The following SLCO5A1 variants were observed in gnomAD, a reference collection of about 807,000 sequenced individuals.
The protein encoded by SLCO5A1 is solute carrier organic anion transporter family member 5A1.
In SLCO5A1, 39 loss-of-function variants were observed where a neutral mutation model predicts 65.1. That is an observed-to-expected ratio of 0.60 (90% CI 0.46 to 0.78). The LOEUF is 0.78. SLCO5A1 is among the 30% of genes least tolerant of loss of function. The pLI is 0.00. For missense variants in SLCO5A1, 1,029 were observed against 1,069.4 expected (o/e 0.96, Z 0.53); for synonymous variants, 438 against 415.7 (o/e 1.05, Z -0.65).
intron 7 of SLCO5A1, among the ~76,000 whole-genome samples, chr8:69,680,667 G>T (rs971916835): frequency 2.6e-5 from 4 of 152,178 alleles, no homozygotes; most frequent in Admixed American, 6.5e-5. Context: ...AGATTGCTGG[G>T]TTGAGTGGTC....
At chr8:69,690,130 C>G (rs934725707) in intron 6 of SLCO5A1, among the ~76,000 whole-genome samples, 1 of 152,248 alleles carries the variant, frequency 6.6e-6, no homozygotes, top group African/African-American at 2.4e-5. Context: ...TCAAGCTCAA[C>G]AGGGTCTTCT....
chr8:69,802,169 G>A (rs1254488562), intron 2 of SLCO5A1, among the ~76,000 whole-genome samples: 1 of 152,156 alleles, frequency 6.6e-6, no homozygotes, highest in African/African-American at 2.4e-5. Context: ...ATGGGGATCA[G>A]CACGATAAAA....
At chr8:69,725,460 GATGTATGT>G (rs61338509) in intron 5 of SLCO5A1, among the ~76,000 whole-genome samples, 25 of 150,460 alleles carry the variant, frequency 1.7e-4, no homozygotes, top group East Asian at 1.4e-3. Flanking sequence ...AAAGAATAAA[GATGTATGT>G]ATGTATGTAT....
At chr8:69,724,719 T>A (rs561370112) in intron 5 of SLCO5A1, among the ~76,000 whole-genome samples, 2 of 152,298 alleles carry the variant, frequency 1.3e-5, no homozygotes, top group Admixed American at 1.3e-4. Flanking sequence ...AATAACTCTA[T>A]CCTGGCCATA....
chr8:69,686,549 C>A lies in SLCO5A1; in HGVS notation c.1623-4206G>T, dbSNP rs868399937. Reference sequence around the variant, plus strand: ...AGATCTCAGCATAAGTTGTCTCATTCATTCCCCATGAGAATTGTCATTATT... The same window carrying A: ...AGATCTCAGCATAAGTTGTCTCATTAATTCCCCATGAGAATTGTCATTATT... On this transcript the variant is annotated intron_variant, in intron 6 of 9. Coordinates refer to ENST00000260126, the MANE Select transcript of SLCO5A1 (RefSeq NM_030958.3). Among the ~76,000 whole-genome samples, 5 of 152,314 alleles carry A rather than the reference C, an allele frequency of 3.3e-5. No homozygotes were observed. The South Asian group carries it at 1.0e-3, about 32-fold the overall frequency.
intron 2 of SLCO5A1, among the ~76,000 whole-genome samples, chr8:69,790,232 G>C (rs1819210661): frequency 6.8e-6 from 1 of 148,052 alleles, no homozygotes; most frequent in Non-Finnish European, 1.5e-5. Flanking sequence ...TGGATTGTTT[G>C]TAACTCAAAG....
intron 6 of SLCO5A1, among the ~76,000 whole-genome samples, chr8:69,688,002 A>G (rs1814074719): frequency 6.6e-6 from 1 of 152,130 alleles, no homozygotes; most frequent in East Asian, 1.9e-4. Context: ...TTAAAACATG[A>G]TACCTTACAG....
chr8:69,812,829 C>T (rs749374646), intron 2 of SLCO5A1, among the ~76,000 whole-genome samples: 2 of 152,128 alleles, frequency 1.3e-5, no homozygotes, highest in African/African-American at 2.4e-5. Context: ...CTTTTGGAAC[C>T]ATTTTGTTAG....
chr8:69,717,765 T>C (rs1815624292), intron 5 of SLCO5A1, among the ~76,000 whole-genome samples: 1 of 152,246 alleles, frequency 6.6e-6, no homozygotes, highest in Non-Finnish European at 1.5e-5. Flanking sequence ...ACATTTTCTT[T>C]AATTTTTTAA....
intron 6 of SLCO5A1, among the ~76,000 whole-genome samples, chr8:69,693,944 A>G (rs1586691703): frequency 6.6e-6 from 1 of 152,214 alleles, no homozygotes; most frequent in African/African-American, 2.4e-5. Context: ...CCATACTCAG[A>G]CAGCCAGTAT....
chr8:69,686,589 A>G (rs1356444532), intron 6 of SLCO5A1, among the ~76,000 whole-genome samples: 1 of 152,186 alleles, frequency 6.6e-6, no homozygotes, highest in Admixed American at 6.5e-5. Context: ...CCACACTTCC[A>G]TCTTTCAGAC....
At chr8:69,688,039 G>A (rs994400526) in intron 6 of SLCO5A1, among the ~76,000 whole-genome samples, 4 of 151,852 alleles carry the variant, frequency 2.6e-5, no homozygotes, top group Non-Finnish European at 2.9e-5. Flanking sequence ...TTTAGATCTT[G>A]GTTACAAAAT....
intron 2 of SLCO5A1, among the ~76,000 whole-genome samples, chr8:69,766,720 T>C (rs1818075757): frequency 6.6e-6 from 1 of 152,190 alleles, no homozygotes; most frequent in Admixed American, 6.5e-5. Flanking sequence ...TTTCTCCTAG[T>C]ATATATTGCC....
At chr8:69,729,911 T>C (rs925662131) in intron 5 of SLCO5A1, among the ~76,000 whole-genome samples, 3 of 152,230 alleles carry the variant, frequency 2.0e-5, no homozygotes, top group African/African-American at 7.2e-5. Flanking sequence ...ATTACCACTG[T>C]AAAGTAGACC....
chr8:69,713,063 C>T (rs1156533469), intron 5 of SLCO5A1, among the ~76,000 whole-genome samples: 3 of 152,160 alleles, frequency 2.0e-5, no homozygotes, highest in Non-Finnish European at 4.4e-5. Flanking sequence ...TTAGCAAAAG[C>T]TTAAACTGCC....
intron 2 of SLCO5A1, among the ~76,000 whole-genome samples, chr8:69,813,453 T>C (rs1271247834): frequency 6.6e-6 from 1 of 152,208 alleles, no homozygotes; most frequent in Non-Finnish European, 1.5e-5. Flanking sequence ...TTCTAAGTTA[T>C]ATTAGGGAAC....
intron 5 of SLCO5A1, among the ~76,000 whole-genome samples, chr8:69,720,018 A>G (rs1815743604): frequency 6.6e-6 from 1 of 152,244 alleles, no homozygotes; most frequent in Admixed American, 6.5e-5. Flanking sequence ...GAAACAGATG[A>G]CATGGTTCCT....
At chr8:69,707,611 G>A (rs753370299) in intron 5 of SLCO5A1, among the ~76,000 whole-genome samples, 1 of 152,096 alleles carries the variant, frequency 6.6e-6, no homozygotes, top group Non-Finnish European at 1.5e-5. Context: ...TCTGAGCTGC[G>A]GCTGACAGGA....
At position 69,755,601 on chromosome 8, in the gene SLCO5A1, C is replaced by G. The variant is rs1817508981; in HGVS notation, c.1081G>C (p.Val361Leu). The change falls in exon 4 of 10, where the codon GTG becomes CTG. Residue 361 changes from valine to leucine, a missense_variant. Coordinates refer to ENST00000260126, the MANE Select transcript of SLCO5A1 (RefSeq NM_030958.3). ...FLLCAIAMFLVIFPMFTFPKK... is the reference protein window; with the variant it reads ...FLLCAIAMFLLIFPMFTFPKK... The stretch of plus-strand genomic sequence containing the variant: ...GGGAAAGTAAACATTGGGAATATCA[C>G]AAGAAACATTGCAATGGCACAAAGG... 1 of 1,613,718 alleles carries G rather than the reference C, an allele frequency of 6.2e-7. No individual in the cohort carries two copies. Among genetic ancestry groups the G allele is most frequent in the Non-Finnish European group, 8.5e-7 (1 of 1,179,976 alleles).
Sources: gnomAD v4.1 joint callset for allele counts (sites outside exome capture counted in the v4.1 genomes callset) on GRCh38, gnomAD v4.1.1 for gene constraint, MANE v1.5 for transcripts, NCBI Gene and HGNC (gene_info 2026-07-23, HGNC 2026-07-21) for gene names.